Variants in TKFC observed in about 807,000 individuals in gnomAD.
TKFC encodes the protein triokinase and FMN cyclase, also known as triokinase/FMN cyclase.
Under a neutral mutation model 61.0 loss-of-function variants are expected in TKFC, and 46 were observed. That is an observed-to-expected ratio of 0.75 (90% confidence interval 0.60 to 0.96). TKFC has a LOEUF of 0.96. Ranked by LOEUF, TKFC falls within the 50% of genes least tolerant of loss-of-function variation. The pLI, the probability that TKFC is intolerant of heterozygous loss-of-function variation, is 0.00. For synonymous variants in TKFC, 314 were observed against 330.1 expected, an observed-to-expected ratio of 0.95 and a Z score of 0.53; for missense variants, 715 against 777.5, an observed-to-expected ratio of 0.92 and a Z score of 0.96.
At chr11:61,351,137 T>G (rs767938264), downstream of TKFC, 6 of 1,608,354 alleles carry the variant, frequency 3.7e-6, no homozygotes, top group South Asian at 6.7e-5. Context: ...TATGGCCTGG[T>G]GGTGTTTTTC....
downstream of TKFC, chr11:61,350,537 A>C: frequency 7.4e-7 from 1 of 1,356,814 alleles, no homozygotes; most frequent in Non-Finnish European, 1.0e-6. Context: ...AAGCCACCAA[A>C]TCCCTCAGGG....
intron 5 of TKFC, 150 bp from the exon 6 acceptor site, chr11:61,341,286 T>C: frequency 2.5e-6 from 2 of 787,432 alleles, no homozygotes; most frequent in Non-Finnish European, 4.2e-6. Flanking sequence ...GGGAGTTTGC[T>C]CTTCTGCCCT....
Position 61,339,362 on chromosome 11 carries a change from G to A in TKFC, c.413G>A (p.Gly138Glu), listed in dbSNP as rs771230345. Residue 138 changes from glycine (G) to glutamate (E), a missense_variant, in exon 5 of 18, where the codon GGG (glycine) becomes GAG (glutamate). Gly to Glu is a moderately conservative substitution (Grantham distance 98). Coordinates refer to ENST00000394900, the MANE Select transcript of TKFC (RefSeq NM_015533.4). ...EGIPVEMVVI[G>E]DDSAFTVLKK... Reference sequence around the variant, plus strand: ...ATCCCGGTGGAGATGGTGGTGATTGGGGACGACAGCGCCTTCACTGTCCTG... The same window carrying A: ...ATCCCGGTGGAGATGGTGGTGATTGAGGACGACAGCGCCTTCACTGTCCTG... The A allele has an allele frequency of 6.2e-7, 1 of 1,613,684 alleles. No homozygotes were observed. Among genetic ancestry groups the A allele is most frequent in the South Asian group, 1.1e-5 (1 of 91,086 alleles).
intron 5 of TKFC, 38 bp from the exon 6 acceptor site, chr11:61,341,398 C>A (rs766049785): frequency 1.3e-6 from 2 of 1,548,672 alleles, no homozygotes; most frequent in Non-Finnish European, 1.7e-6. Flanking sequence ...TACAGTGATA[C>A]CCTCCCCCCT....
chr11:61,350,061 C>G, downstream of TKFC: 1 of 518,916 alleles, frequency 1.9e-6, no homozygotes. Context: ...GAGAGGCTGA[C>G]GCCAAGGAGT....
downstream of TKFC, chr11:61,351,092 T>G: frequency 6.2e-7 from 1 of 1,613,944 alleles, no homozygotes; most frequent in Non-Finnish European, 8.5e-7. Context: ...ATCCCGGTGC[T>G]GTTGGCAAAG....
At chr11:61,349,906 C>A, downstream of TKFC, 1 of 519,198 alleles carries the variant, frequency 1.9e-6, no homozygotes, top group East Asian at 3.4e-5. Flanking sequence ...CCTCACCTCC[C>A]TCATGTTTCA....
chr11:61,334,754 G>C, intron 2 of TKFC, 23 bp downstream of exon 2: 1 of 1,614,014 alleles, frequency 6.2e-7, no homozygotes, highest in Non-Finnish European at 8.5e-7. Context: ...GGGCCGGGAC[G>C]GGAATGGCAG....
intron 6 of TKFC, 58 bp downstream of exon 6, chr11:61,341,572 C>A: frequency 1.3e-6 from 2 of 1,531,414 alleles, no homozygotes; most frequent in Non-Finnish European, 1.8e-6. Context: ...AGCCCTGGGG[C>A]GAGGAGCAGG....
Position 61,344,135 on chromosome 11 carries a change from G to C in TKFC, c.1103-1G>C, listed in dbSNP as rs1267820639. On this transcript the variant is annotated splice_acceptor_variant, in intron 12 of 17. Transcript: ENST00000394900. LOFTEE classifies it high-confidence loss of function. ...TGTTCTTCAGCATCCTCCCTTTCTA[G>C]GCTCAGCCTCGAAGCGGATGGCGCT... The C allele has an allele frequency of 1.2e-6, 2 of 1,612,096 alleles. No individual in the cohort carries two copies. Among genetic ancestry groups the C allele is most frequent in the Non-Finnish European group, 1.7e-6 (2 of 1,179,960 alleles).
chr11:61,353,353 A>G (rs1857506898), downstream of TKFC: 1 of 655,184 alleles, frequency 1.5e-6, no homozygotes, highest in African/African-American at 1.8e-5. Context: ...CTACCATCCC[A>G]CTCCCAGCAA....
In TKFC at chr11:61,348,445, A is replaced by C; in HGVS notation, c.*1942A>C. On this transcript the variant is annotated 3_prime_UTR_variant, in exon 18 of 18. Coordinates refer to ENST00000394900, the MANE Select transcript of TKFC (RefSeq NM_015533.4). The stretch of plus-strand genomic sequence containing the variant: ...TGAGGCTTTTACAAATTGGCCCAGA[A>C]CTCATTTAACCACAGCATCATTTCA... 2.0e-6 allele frequency: 2 copies of C among 985,372 alleles called. No homozygotes were observed. The highest frequency in any genetic ancestry group is 9.4e-5 in the South Asian group (2 of 21,280). 61.0% of individuals were successfully genotyped at this position (985,372 alleles called of 1,614,324 possible).
chr11:61,352,642 CAG>C (rs1480860361), downstream of TKFC: 1 of 361,524 alleles, frequency 2.8e-6, no homozygotes, highest in Non-Finnish European at 4.4e-6. Context: ...GCCTGGGCGA[CAG>C]AGTGAGACTC....
At position 61,339,421 on chromosome 11, in the gene TKFC, G is replaced by A. The variant is rs1369214322; in HGVS notation, c.472G>A (p.Val158Met). Residue 158 changes from valine (V) to methionine (M), a missense_variant, in exon 5 of 18, where the codon GTG becomes ATG. By Grantham distance (21) the Val-to-Met change is conservative. Transcript: ENST00000394900. ...KAGRRGLCGT[V>M]LIHKVAGALA... ...AGGCCGGCGGGGGCTGTGCGGCACG[G>A]TGCTTATACACAAGGTGGGCTTCCA... 1.8e-5 allele frequency: 29 copies of A among 1,608,722 alleles called. No homozygotes were observed. The highest frequency in any genetic ancestry group is 1.7e-4 in the Middle Eastern group (1 of 6,058).
At chr11:61,353,343 C>G, downstream of TKFC, 1 of 684,242 alleles carries the variant, frequency 1.5e-6, no homozygotes, top group Non-Finnish European at 2.4e-6. Flanking sequence ...ACATGCTTAG[C>G]TACCATCCCA....
chr11:61,341,975 G>C, intron 7 of TKFC, 63 bp downstream of exon 7: 1 of 1,495,110 alleles, frequency 6.7e-7, no homozygotes, highest in Non-Finnish European at 9.2e-7. Context: ...TGCCCACCTT[G>C]CATACCCTTA....
chr11:61,346,889 A>G lies in TKFC; in HGVS notation c.*386A>G. ...TTAACCCCAGTGAGCGTGAAAAAGA[A>G]AGTTAATAAACTATAATACATGGAA... On this transcript the variant is annotated 3_prime_UTR_variant, in exon 18 of 18. Coordinates refer to ENST00000394900, the MANE Select transcript of TKFC (RefSeq NM_015533.4). The surrounding 1 kb of genome is among the most constrained non-coding windows in gnomAD (Gnocchi z 4.1). 1 of 1,004,782 alleles carries G rather than the reference A, an allele frequency of 1.0e-6. No individual in the cohort carries two copies. Among genetic ancestry groups the G allele is most frequent in the Non-Finnish European group, 1.2e-6 (1 of 842,556 alleles). 62.2% of individuals were successfully genotyped at this position (1,004,782 alleles called of 1,614,324 possible). A position where few individuals can be genotyped will look rare whatever the true frequency, so the allele number is the denominator to read the frequency against.
At position 61,337,981 on chromosome 11, in the gene TKFC, A is replaced by G; in HGVS notation, c.44A>G (p.Asp15Gly). The change falls in exon 3 of 18, where the codon GAT (aspartate) becomes GGT (glycine). Residue 15 changes from aspartate to glycine, a missense_variant. Transcript: ENST00000394900. ...GTGAACTCGGTGGCTGGCTGTGCTG[A>G]TGACGCTCTTGCTGGCCTGGTGGCC... is the stretch of plus-strand genomic sequence containing the variant. The part of the protein sequence containing the change: ...KLVNSVAGCA[D>G]DALAGLVACN... The G allele has an allele frequency of 6.2e-7, 1 of 1,610,858 alleles. No individual in the cohort carries two copies. The highest frequency in any genetic ancestry group is 1.3e-5 in the African/African-American group (1 of 74,650).
Position 61,341,495 on chromosome 11 carries a change from C to T in TKFC, c.546C>T (p.Asn182=), listed in dbSNP as rs367897915. Residue 182 remains asparagine (N), a synonymous_variant, in exon 6 of 18, where the codon AAC becomes AAT. Transcript: ENST00000394900. ...VGLEEIAKQV[N]VVAKAMGTLG... is the part of the protein sequence containing the mutation. ...TGGAGGAGATCGCAAAGCAGGTGAA[C>T]GTGGTCGCCAAGGCCATGGGTGAGT... is the stretch of plus-strand genomic sequence containing the variant. The T allele has an allele frequency of 5.3e-5, 82 of 1,555,452 alleles. No homozygotes were observed. The highest frequency in any genetic ancestry group is 8.2e-5 in the African/African-American group (6 of 73,480).
Sources: allele counts gnomAD v4.1 joint callset, GRCh38; gene constraint gnomAD v4.1.1; non-coding constraint Gnocchi (gnomAD v3.1); transcripts MANE v1.5; gene names NCBI Gene and HGNC (gene_info 2026-07-23, HGNC 2026-07-21).